CLSTN2: variants seen among roughly 807,000 people sequenced by gnomAD.
CLSTN2 encodes the protein calsyntenin-2.
Under a neutral mutation model 101.2 loss-of-function variants are expected in CLSTN2, and 48 were observed. That is an observed-to-expected ratio of 0.47 (90% CI 0.38 to 0.60). CLSTN2 has a LOEUF of 0.60. Ranked by LOEUF, CLSTN2 falls within the 20% of genes least tolerant of loss-of-function variation. The pLI is 0.00. For missense variants in CLSTN2, 1,160 were observed against 1,238.2 expected (o/e 0.94, Z 0.95); for synonymous variants, 481 against 463.6 (o/e 1.04, Z -0.48).
At chr3:140,239,438 A>G (rs1213828995) in intron 2 of CLSTN2, among the ~76,000 whole-genome samples, 1 of 152,194 alleles carries the variant, frequency 6.6e-6, no homozygotes, top group Non-Finnish European at 1.5e-5. Flanking sequence ...ATTTTACTTC[A>G]TACTTGTTAA....
At chr3:140,153,316 C>G (rs139093732) in intron 1 of CLSTN2, among the ~76,000 whole-genome samples, 1 of 152,258 alleles carries the variant, frequency 6.6e-6, no homozygotes, top group Non-Finnish European at 1.5e-5. Flanking sequence ...TTGTCCTACA[C>G]GAAAACATGA....
At chr3:140,374,254 A>T (rs969493135) in intron 2 of CLSTN2, among the ~76,000 whole-genome samples, 4 of 152,128 alleles carry the variant, frequency 2.6e-5, no homozygotes, top group African/African-American at 4.8e-5. Context: ...TTGATCAGTT[A>T]TCTGTTCTAT....
chr3:140,407,607 A>G (rs187318121), intron 4 of CLSTN2, among the ~76,000 whole-genome samples: 43 of 152,312 alleles, frequency 2.8e-4, no homozygotes, highest in African/African-American at 9.4e-4. Context: ...ACAATTATTA[A>G]ATATTTACCT....
intron 2 of CLSTN2, among the ~76,000 whole-genome samples, chr3:140,241,905 A>G (rs1472131821): frequency 1.4e-5 from 2 of 145,198 alleles, no homozygotes; most frequent in Non-Finnish European, 3.0e-5. Context: ...ACACACACAC[A>G]TATATATATA....
chr3:140,251,149 C>T (rs1316900641), intron 2 of CLSTN2, among the ~76,000 whole-genome samples: 1 of 152,050 alleles, frequency 6.6e-6, no homozygotes, highest in Non-Finnish European at 1.5e-5. Context: ...CTGCGTCTAT[C>T]CTTGTAGACA....
chr3:140,533,588 G>T (rs1044106106), intron 9 of CLSTN2, among the ~76,000 whole-genome samples: 1 of 151,878 alleles, frequency 6.6e-6, no homozygotes, highest in African/African-American at 2.4e-5. Flanking sequence ...GCGGGTGCTT[G>T]TAGTCCCAGC....
At chr3:140,113,297 G>A (rs967587091) in intron 1 of CLSTN2, among the ~76,000 whole-genome samples, 3 of 152,130 alleles carry the variant, frequency 2.0e-5, no homozygotes, top group Non-Finnish European at 4.4e-5. Context: ...CTCCCCAAAG[G>A]TCTGCAGAGA....
In CLSTN2 at chr3:140,558,871, T is replaced by C; in HGVS notation, c.2041+14T>C. On this transcript the variant is annotated intron_variant, in intron 12 of 16. Transcript: ENST00000458420. ...TGAAAACCACAGGTACAGGTGCATT[T>C]GAGTTTGTGGGGAGGGTGGACCTTA... is the stretch of plus-strand genomic sequence containing the variant. 6.2e-7 allele frequency: 1 copy of C among 1,610,158 alleles called. No homozygotes were observed. The highest frequency in any genetic ancestry group is 8.5e-7 in the Non-Finnish European group (1 of 1,177,878).
intron 1 of CLSTN2, among the ~76,000 whole-genome samples, chr3:140,155,956 A>AT (rs11359814): frequency 3.3e-5 from 5 of 151,520 alleles, no homozygotes; most frequent in African/African-American, 7.3e-5. Context: ...GCTTTCTCTC[A>AT]TTTTTTTTTT....
chr3:140,477,218 C>T (rs190680156), intron 8 of CLSTN2, among the ~76,000 whole-genome samples: 1 of 152,212 alleles, frequency 6.6e-6, no homozygotes, highest in Admixed American at 6.5e-5. Context: ...GCTGCACTTA[C>T]TACTCATTAG....
chr3:139,989,227 G>A (rs2107827364), intron 1 of CLSTN2, among the ~76,000 whole-genome samples: 1 of 152,246 alleles, frequency 6.6e-6, no homozygotes, highest in East Asian at 1.9e-4. Context: ...CAGGCCTGGT[G>A]CAAAGCCTTG....
chr3:140,564,135 A>T lies in CLSTN2; in HGVS notation c.2657A>T (p.Asn886Ile). ...WDDSALTITVNPMEKHEGPGH... is the reference protein window; with the variant it reads ...WDDSALTITVIPMEKHEGPGH... ...GATTCTGCGCTGACTATCACAGTCA[A>T]CCCCATGGAGGTGATCCTCATGCAC... The change falls in exon 16 of 17, where the codon AAC becomes ATC. Residue 886 changes from asparagine (N) to isoleucine (I), a missense_variant. Physicochemically the swap from Asn to Ile is moderately radical, Grantham distance 149. Coordinates refer to ENST00000458420, the MANE Select transcript of CLSTN2 (RefSeq NM_022131.3). The T allele has an allele frequency of 6.2e-7, 1 of 1,613,692 alleles. No individual in the cohort carries two copies. The highest frequency in any genetic ancestry group is 8.5e-7 in the Non-Finnish European group (1 of 1,179,858).
At chr3:140,555,742 A>G (rs1332068188) in intron 10 of CLSTN2, among the ~76,000 whole-genome samples, 1 of 152,228 alleles carries the variant, frequency 6.6e-6, no homozygotes, top group Non-Finnish European at 1.5e-5. Context: ...GTACAAAGGC[A>G]GTTTTCCCTG....
chr3:140,041,140 T>A (rs1029214368), intron 1 of CLSTN2, among the ~76,000 whole-genome samples: 1 of 152,166 alleles, frequency 6.6e-6, no homozygotes, highest in Non-Finnish European at 1.5e-5. Context: ...TGGGAACACA[T>A]AACTGTTCAT....
intron 2 of CLSTN2, among the ~76,000 whole-genome samples, chr3:140,294,571 T>C (rs1576503144): frequency 2.0e-5 from 3 of 152,168 alleles, no homozygotes; most frequent in Admixed American, 2.0e-4. Context: ...TGTCTTTTTT[T>C]TTTTTTTGCC....
intron 2 of CLSTN2, among the ~76,000 whole-genome samples, chr3:140,381,106 C>T (rs1017820903): frequency 4.6e-5 from 7 of 152,166 alleles, no homozygotes; most frequent in Non-Finnish European, 7.4e-5. Context: ...GATCTTTCCT[C>T]GTCTGTTCTA....
At chr3:140,017,408 G>A (rs2007223061) in intron 1 of CLSTN2, among the ~76,000 whole-genome samples, 1 of 152,226 alleles carries the variant, frequency 6.6e-6, no homozygotes, top group South Asian at 2.1e-4. Context: ...GCTACAGAGA[G>A]GGAAGCCTGG....
intron 2 of CLSTN2, among the ~76,000 whole-genome samples, chr3:140,219,234 G>A (rs1020750836): frequency 6.6e-6 from 1 of 151,992 alleles, no homozygotes; most frequent in Admixed American, 6.5e-5. Context: ...TAAAGAGTAG[G>A]GAAGAGGGTG....
chr3:140,159,325 C>T (rs1013755067), intron 1 of CLSTN2, among the ~76,000 whole-genome samples: 1 of 151,848 alleles, frequency 6.6e-6, no homozygotes, highest in African/African-American at 2.4e-5. Context: ...AATAATTTAA[C>T]AAGCAGAAAA....
Sources: gnomAD v4.1 joint callset for allele counts (sites outside exome capture counted in the v4.1 genomes callset) on GRCh38, gnomAD v4.1.1 for gene constraint, MANE v1.5 for transcripts, NCBI Gene and HGNC (gene_info 2026-07-23, HGNC 2026-07-21) for gene names.